SLC6A12: variants seen among roughly 807,000 people sequenced by gnomAD.
The protein encoded by SLC6A12 is sodium- and chloride-dependent betaine transporter.
Under a neutral mutation model 73.3 loss-of-function variants are expected in SLC6A12, and 50 were observed. The observed-to-expected ratio is 0.68, with a 90% CI of 0.54 to 0.86. SLC6A12 has a LOEUF of 0.86. Ranked by LOEUF, SLC6A12 falls within the 40% of genes least tolerant of loss-of-function variation. The pLI, the probability that SLC6A12 is intolerant of heterozygous loss-of-function variation, is 0.00. For missense variants in SLC6A12, 648 were observed against 772.8 expected (o/e 0.84, Z 1.92); for synonymous variants, 304 against 309.2 (o/e 0.98, Z 0.18).
intron 7 of SLC6A12, among the ~76,000 whole-genome samples, chr12:199,401 C>G (rs1407843418): frequency 2.6e-5 from 4 of 152,192 alleles, no homozygotes; most frequent in East Asian, 3.8e-4. Context: ...CTCCTTGCCC[C>G]CTGGCGACCC....
intron 2 of SLC6A12, chr12:210,332 T>C: frequency 8.4e-7 from 1 of 1,184,748 alleles, no homozygotes; most frequent in South Asian, 1.8e-5. Flanking sequence ...ATGTCCCTTT[T>C]TATCTGTACA....
At chr12:201,111 C>T (rs901721014) in intron 6 of SLC6A12, 6 of 263,944 alleles carry the variant, frequency 2.3e-5, no homozygotes, top group African/African-American at 4.5e-5. Flanking sequence ...ATGGGTATCC[C>T]GTGCAGGGGC....
chr12:187,632 C>CAAAAAAAAAA (rs766643317), downstream of SLC6A12, among the ~76,000 whole-genome samples: 6 of 96,400 alleles, frequency 6.2e-5, 1 homozygote, highest in African/African-American at 2.6e-4. Context: ...AAAAAAAAAA[C>CAAAAAAAAAA]AAACCACACA....
chr12:186,459 T>TGG (rs143017890), downstream of SLC6A12, among the ~76,000 whole-genome samples: 426 of 152,314 alleles, frequency 2.8e-3, 2 homozygotes, highest in African/African-American at 9.9e-3. Flanking sequence ...CACCTCTCAC[T>TGG]GGGGTCAGGC....
rs560494815 is a variant in SLC6A12 at position 190,897 on chromosome 12, T to C, written c.*171A>G. 6.7e-6 allele frequency: 3 copies of C among 449,914 alleles called. No individual in the cohort carries two copies. In the Admixed American group the frequency reaches 1.3e-4, roughly 20 times the overall value. 27.9% of individuals were successfully genotyped at this position (449,914 alleles called of 1,614,324 possible). On this transcript the variant is annotated 3_prime_UTR_variant, in exon 16 of 16. Transcript: ENST00000684302. ...TTATCAGCAAAGGGGAAGGAGCTGC[T>C]CCAGCTAGCACAAGAGAGGAGTCTG...
rs1306798084 is a variant in SLC6A12 at position 201,798 on chromosome 12, A to G, written c.542T>C (p.Phe181Ser). The G allele has an allele frequency of 3.1e-6, 5 of 1,613,864 alleles. No individual in the cohort carries two copies. Among genetic ancestry groups the G allele is most frequent in the Non-Finnish European group, 4.2e-6 (5 of 1,179,932 alleles). The change falls in exon 6 of 16, where the codon TTT (phenylalanine) becomes TCT (serine). Residue 181 changes from phenylalanine to serine, a missense_variant. Physicochemically the swap from Phe to Ser is radical, Grantham distance 155. Coordinates refer to ENST00000684302, the MANE Select transcript of SLC6A12 (RefSeq NM_001122848.3). Reference sequence around the variant, plus strand: ...CATGACAGGTGAGGTAAAATTCTCAAATGGGGTCACTGTGCCGGCTCCTGA... The same window carrying G: ...CATGACAGGTGAGGTAAAATTCTCAGATGGGGTCACTGTGCCGGCTCCTGA... ...NHSGAGTVTP[F>S]ENFTSPVMEF...
At chr12:187,820 G>A (rs1939463714), downstream of SLC6A12, among the ~76,000 whole-genome samples, 1 of 152,012 alleles carries the variant, frequency 6.6e-6, no homozygotes, top group Non-Finnish European at 1.5e-5. Context: ...GTTTTGATTG[G>A]TGTGTTTACA....
chr12:196,301 C>A lies in SLC6A12; in HGVS notation c.1189-40G>T, dbSNP rs372660597. On this transcript the variant is annotated intron_variant, in intron 11 of 15. Transcript: ENST00000684302. ...GGGAACTGGATGAGAGGGTGTGGGG[C>A]GGGCTGTTGGCCACCAGCCCTGGCC... 5 of 1,588,024 alleles carry A rather than the reference C, an allele frequency of 3.1e-6. 1 individual carries two copies. In the African/African-American group the frequency reaches 4.0e-5, roughly 13 times the overall value.
intron 13 of SLC6A12, 144 bp from the exon 14 acceptor site, chr12:193,521 G>A (rs892159168): frequency 1.0e-5 from 6 of 602,904 alleles, no homozygotes; most frequent in South Asian, 2.0e-5. Flanking sequence ...TGAGTGAGAC[G>A]CCTCCCTGAC....
At chr12:204,460 T>C (rs1940511917) in intron 4 of SLC6A12, 104 bp downstream of exon 4, 3 of 1,134,742 alleles carry the variant, frequency 2.6e-6, no homozygotes, top group Middle Eastern at 2.7e-4. Flanking sequence ...GATATGGGAG[T>C]GAGCGGATGG....
At position 208,908 on chromosome 12, in the gene SLC6A12, T is replaced by G. The variant is rs527332800; in HGVS notation, c.214+865A>C. On this transcript the variant is annotated intron_variant, in intron 3 of 15. Coordinates refer to ENST00000684302, the MANE Select transcript of SLC6A12 (RefSeq NM_001122848.3). ...ATAATAAAATCATGTTTCTCTAACT[T>G]GAAAAAAACTCAAAGGCAAGGTATT... Among the ~76,000 whole-genome samples, 299 of 152,272 alleles carry G rather than the reference T, an allele frequency of 2.0e-3. 3 individuals carry two copies. Among genetic ancestry groups the G allele is most frequent in the African/African-American group, 6.5e-3 (271 of 41,530 alleles).
At chr12:201,378 C>T (rs1462525327) in intron 6 of SLC6A12, 3 of 249,258 alleles carry the variant, frequency 1.2e-5, no homozygotes, top group Non-Finnish European at 2.4e-5. Flanking sequence ...GATGTGAGCA[C>T]TCCCGCCTTG....
chr12:200,266 G>A (rs927205250), intron 7 of SLC6A12, among the ~76,000 whole-genome samples: 29 of 150,842 alleles, frequency 1.9e-4, no homozygotes, highest in East Asian at 3.9e-4. Context: ...CCACCACCAC[G>A]CCCGGCTAAT....
chr12:210,518 A>G (rs1249362629), intron 2 of SLC6A12: 15 of 434,944 alleles, frequency 3.4e-5, no homozygotes, highest in Admixed American at 5.5e-5. Context: ...GCTGTGTGCT[A>G]AGGTGATCGA....
chr12:183,945 T>G, the SLC6A12 span, among the ~76,000 whole-genome samples: 13 of 152,096 alleles, frequency 8.5e-5, no homozygotes, highest in Non-Finnish European at 1.8e-4. Context: ...CAAACTCCTT[T>G]TCATGAGCCT....
intron 2 of SLC6A12, among the ~76,000 whole-genome samples, chr12:211,736 C>T (rs191221792): frequency 2.7e-4 from 41 of 152,264 alleles, no homozygotes; most frequent in Admixed American, 3.9e-4. Flanking sequence ...AACTAGTGAG[C>T]GAGCTTGAAA....
chr12:195,226 A>G lies in SLC6A12; in HGVS notation c.1428T>C (p.Tyr476=). Residue 476 remains tyrosine, a splice_region_variant and synonymous_variant, in exon 13 of 16, where the codon TAT becomes TAC. Coordinates refer to ENST00000684302, the MANE Select transcript of SLC6A12 (RefSeq NM_001122848.3). ...CCCACCCCACTCCACCCCACTCACC[A>G]TACACCCAGCTTATGCAGACCACTT... ...LFEVVCISWV[Y]GADRFYDNIE... The G allele has an allele frequency of 6.7e-7, 1 of 1,497,866 alleles. No homozygotes were observed. Among genetic ancestry groups the G allele is most frequent in the Non-Finnish European group, 9.3e-7 (1 of 1,080,906 alleles). 92.8% of individuals were successfully genotyped at this position (1,497,866 alleles called of 1,614,324 possible). A position where few individuals can be genotyped will look rare whatever the true frequency, so the allele number is the denominator to read the frequency against.
intron 13 of SLC6A12, 79 bp from the exon 14 acceptor site, chr12:193,456 G>T: frequency 1.8e-6 from 2 of 1,105,756 alleles, no homozygotes; most frequent in Non-Finnish European, 1.4e-6. Context: ...GACCCACTTG[G>T]CTCTGTGCCC....
chr12:208,470 CT>C (rs1336222681), intron 3 of SLC6A12, among the ~76,000 whole-genome samples: 4 of 152,170 alleles, frequency 2.6e-5, no homozygotes, highest in African/African-American at 9.7e-5. Context: ...AACAAATTAT[CT>C]CTAAATGTGA....
Sources: allele counts gnomAD v4.1 joint callset (sites outside exome capture counted in the v4.1 genomes callset), GRCh38; gene constraint gnomAD v4.1.1; transcripts MANE v1.5; gene names NCBI Gene and HGNC (gene_info 2026-07-23, HGNC 2026-07-21).